The following STXBP5 variants were observed in gnomAD, a reference collection of about 807,000 sequenced individuals.
The protein encoded by STXBP5 is syntaxin-binding protein 5.
Under a neutral mutation model 152.4 loss-of-function variants are expected in STXBP5, and 50 were observed. The ratio of observed to expected loss-of-function variants is 0.33; its 90% CI spans 0.26 to 0.42. STXBP5 has a LOEUF of 0.42. Ranked by LOEUF, STXBP5 falls within the 10% of genes least tolerant of loss-of-function variation. The probability of loss-of-function intolerance (pLI) is 1.00; values close to 1 mark genes in which losing one functional copy is unlikely to be tolerated. For missense variants in STXBP5, 1,167 were observed against 1,388.6 expected, an observed-to-expected ratio of 0.84 and a Z score of 2.54; for synonymous variants, 492 against 494.7, an observed-to-expected ratio of 0.99 and a Z score of 0.07.
chr6:147,362,262 C>T (rs1562269163), intron 23 of STXBP5, among the ~76,000 whole-genome samples: 1 of 151,918 alleles, frequency 6.6e-6, no homozygotes, highest in Admixed American at 6.6e-5. Flanking sequence ...AACTCTTTTT[C>T]TTAGAAATAA....
rs553627917 is a variant in STXBP5, at chr6:147,370,679, T to G, written c.3082-3052T>G. On this transcript the variant is annotated intron_variant, in intron 25 of 27. Coordinates refer to ENST00000321680, the MANE Select transcript of STXBP5 (RefSeq NM_001127715.4). ...ATTAATTCAGTTTAAAACAACTAAG[T>G]AAGTAACTCTGGTAAGCACCTCAGG... Among the ~76,000 whole-genome samples, 6 of 152,164 alleles carry G rather than the reference T, an allele frequency of 3.9e-5. No homozygotes were observed. The East Asian group carries it at 1.2e-3, about 29-fold the overall frequency.
At chr6:147,264,690 C>G (rs1272804661) in intron 6 of STXBP5, among the ~76,000 whole-genome samples, 1 of 152,020 alleles carries the variant, frequency 6.6e-6, no homozygotes, top group Non-Finnish European at 1.5e-5. Flanking sequence ...ATTAACATCT[C>G]TATGGGTTAT....
intron 8 of STXBP5, among the ~76,000 whole-genome samples, chr6:147,288,587 T>C (rs1296205934): frequency 6.6e-6 from 1 of 152,194 alleles, no homozygotes; most frequent in Non-Finnish European, 1.5e-5. Context: ...CTTTCATTTT[T>C]GTGGGAGAGC....
At chr6:147,245,393 G>A (rs985515037) in intron 4 of STXBP5, among the ~76,000 whole-genome samples, 3 of 152,080 alleles carry the variant, frequency 2.0e-5, no homozygotes, top group Non-Finnish European at 4.4e-5. Context: ...TCCTTAATTA[G>A]CATGTAGCTT....
chr6:147,212,902 G>A (rs1427601929), intron 2 of STXBP5, among the ~76,000 whole-genome samples: 2 of 152,114 alleles, frequency 1.3e-5, no homozygotes, highest in Non-Finnish European at 2.9e-5. Context: ...TATGAAATAG[G>A]AAACCAGGAC....
chr6:147,272,136 A>G (rs1396531202), intron 7 of STXBP5, among the ~76,000 whole-genome samples: 1 of 152,204 alleles, frequency 6.6e-6, no homozygotes, highest in Non-Finnish European at 1.5e-5. Context: ...AATGTTTCCC[A>G]CAAAGAAAAC....
intron 25 of STXBP5, among the ~76,000 whole-genome samples, chr6:147,365,278 A>G (rs1420592640): frequency 6.6e-6 from 1 of 152,210 alleles, no homozygotes; most frequent in Non-Finnish European, 1.5e-5. Flanking sequence ...GTTATTTTTC[A>G]AAGATTCCTA....
chr6:147,356,313 TTTCTA>T (rs1562265484), intron 22 of STXBP5, among the ~76,000 whole-genome samples: 1 of 152,030 alleles, frequency 6.6e-6, no homozygotes. Context: ...ATATCATTGT[TTTCTA>T]TTACTATCAC....
chr6:147,275,549 CTTTTTTT>C (rs71031021), intron 7 of STXBP5, among the ~76,000 whole-genome samples: 110 of 64,468 alleles, frequency 1.7e-3, no homozygotes, highest in African/African-American at 6.2e-3. Context: ...AGTAAATATT[CTTTTTTT>C]TTTTTTTTTT....
intron 2 of STXBP5, among the ~76,000 whole-genome samples, chr6:147,214,449 CA>C (rs1263568683): frequency 3.3e-5 from 5 of 152,114 alleles, no homozygotes; most frequent in Admixed American, 6.5e-5. Context: ...GAATTGTTGA[CA>C]TAGTTTACTG....
At chr6:147,270,768 CA>C (rs1398887275) in intron 7 of STXBP5, among the ~76,000 whole-genome samples, 12 of 151,942 alleles carry the variant, frequency 7.9e-5, no homozygotes, top group African/African-American at 2.9e-4. Flanking sequence ...ATTAATTATC[CA>C]AGCCAAATAT....
intron 10 of STXBP5, among the ~76,000 whole-genome samples, chr6:147,311,187 G>T (rs1409648507): frequency 6.6e-6 from 1 of 152,042 alleles, no homozygotes; most frequent in Non-Finnish European, 1.5e-5. Flanking sequence ...TTTTAGTTTT[G>T]TTGTCCATGT....
chr6:147,277,727 A>G (rs927336764), intron 7 of STXBP5, among the ~76,000 whole-genome samples: 3 of 152,214 alleles, frequency 2.0e-5, no homozygotes, highest in African/African-American at 2.4e-5. Context: ...TAGTTTTTCT[A>G]TTGGGACACT....
At chr6:147,206,097 C>G in intron 2 of STXBP5, 29 bp downstream of exon 2, 1 of 1,590,240 alleles carries the variant, frequency 6.3e-7, no homozygotes, top group Non-Finnish European at 8.6e-7. Context: ...TATTTTTTAA[C>G]TTCTACTTTG....
At chr6:147,308,544 C>G (rs1456927208) in intron 9 of STXBP5, among the ~76,000 whole-genome samples, 1 of 152,020 alleles carries the variant, frequency 6.6e-6, no homozygotes, top group Non-Finnish European at 1.5e-5. Context: ...ATGAACAAAT[C>G]ACACAAAACC....
chr6:147,335,868 T>C (rs1783801387), intron 19 of STXBP5, among the ~76,000 whole-genome samples: 1 of 152,142 alleles, frequency 6.6e-6, no homozygotes, highest in Non-Finnish European at 1.5e-5. Flanking sequence ...ACAGAGAAAC[T>C]CAAACATGGT....
In STXBP5 at chr6:147,364,257, A is replaced by T. The variant is rs936895487; in HGVS notation, c.3081+91A>T. On this transcript the variant is annotated intron_variant, in intron 25 of 27. Coordinates refer to ENST00000321680, the MANE Select transcript of STXBP5 (RefSeq NM_001127715.4). ...GTCTGCCCCTTATTCTCATGGAACT[A>T]TACAAGTGAGCCTGCTTGGGAAAAT... The T allele has an allele frequency of 3.6e-5, 43 of 1,184,938 alleles. No individual in the cohort carries two copies. In the African/African-American group the frequency reaches 6.2e-4, roughly 17 times the overall value. The allele number at this position is 1,184,938 out of a possible 1,614,324, so 73.4% of individuals were successfully genotyped here. A position where few individuals can be genotyped will look rare whatever the true frequency, so the allele number is the denominator to read the frequency against.
intron 26 of STXBP5, among the ~76,000 whole-genome samples, chr6:147,377,959 A>G (rs998535232): frequency 3.3e-5 from 5 of 152,190 alleles, no homozygotes; most frequent in African/African-American, 1.2e-4. Flanking sequence ...TAAAAATAAG[A>G]GAATGTAATC....
chr6:147,376,683 C>T (rs1429971434), intron 26 of STXBP5, among the ~76,000 whole-genome samples: 1 of 151,856 alleles, frequency 6.6e-6, no homozygotes, highest in African/African-American at 2.4e-5. Flanking sequence ...TGGTAGTATG[C>T]ACCTGTAGAC....
Sources: allele counts gnomAD v4.1 joint callset (sites outside exome capture counted in the v4.1 genomes callset), GRCh38; gene constraint gnomAD v4.1.1; transcripts MANE v1.5; gene names NCBI Gene and HGNC (gene_info 2026-07-23, HGNC 2026-07-21).